PDXDC1: variants seen among roughly 807,000 people sequenced by gnomAD.
The protein encoded by PDXDC1 is pyridoxal-dependent decarboxylase domain-containing protein 1.
Under a neutral mutation model 100.1 loss-of-function variants are expected in PDXDC1, and 42 were observed. That is an observed-to-expected ratio of 0.42 (90% confidence interval 0.33 to 0.54). The LOEUF (loss-of-function observed/expected upper bound fraction) is 0.54. Ranked by LOEUF, PDXDC1 falls within the 20% of genes least tolerant of loss-of-function variation. The pLI is 0.10. For synonymous variants in PDXDC1, 260 were observed against 371.7 expected (o/e 0.70, Z 3.46); for missense variants, 636 against 979.2 (o/e 0.65, Z 4.68).
Position 14,998,397 on chromosome 16 carries a change from C to A in PDXDC1, c.153C>A (p.Leu51=). Residue 51 remains leucine, a synonymous_variant, in exon 3 of 23, where the codon CTC becomes CTA. Coordinates refer to ENST00000396410, the MANE Select transcript of PDXDC1 (RefSeq NM_015027.4). ...TATCCGGAGATATTCCAGGCCCACT[C>A]CAGGGCAGGTAGGTGGCACTGAGGA... ...KLISGDIPGP[L]QGSGQDMVSI... 1 of 1,612,766 alleles carries A rather than the reference C, an allele frequency of 6.2e-7. No homozygotes were observed. The highest frequency in any genetic ancestry group is 8.5e-7 in the Non-Finnish European group (1 of 1,179,722).
intron 16 of PDXDC1, chr16:15,127,098 G>C (rs1308464833): frequency 5.6e-6 from 2 of 355,710 alleles, no homozygotes; most frequent in Admixed American, 3.8e-5. Flanking sequence ...CGGCCACTGG[G>C]AGGTTTCTAA....
intron 13 of PDXDC1, 122 bp from the exon 14 acceptor site, chr16:15,026,521 A>G: frequency 1.2e-6 from 1 of 841,282 alleles, no homozygotes; most frequent in Non-Finnish European, 1.9e-6. Flanking sequence ...TAACCTCTGA[A>G]CTTTTTAGTG....
chr16:15,133,939 T>C, intron 16 of PDXDC1: 1 of 1,443,960 alleles, frequency 6.9e-7, no homozygotes, highest in East Asian at 2.4e-5. Flanking sequence ...CCCAGCACCG[T>C]CAGCGTGAAG....
rs1054993555 is a variant in PDXDC1 at position 15,032,963 on chromosome 16, C to T, written c.1674C>T (p.Asp558=). The T allele has an allele frequency of 8.2e-6, 13 of 1,588,790 alleles. No individual in the cohort carries two copies. Among genetic ancestry groups the T allele is most frequent in the Non-Finnish European group, 1.1e-5 (13 of 1,156,768 alleles). Residue 558 remains aspartate, a synonymous_variant, in exon 18 of 23, where the codon GAC becomes GAT. Transcript: ENST00000396410. ...AGAAGTTAAATGAACTGGAATCTGA[C>T]CTAACCTTTAAAATAGGTAACTGCT... ...LLKKLNELES[D]LTFKIGPEYK...
intron 5 of PDXDC1, among the ~76,000 whole-genome samples, 156 bp downstream of exon 5, chr16:15,004,489 G>A (rs1232013963): frequency 6.6e-6 from 1 of 152,298 alleles, no homozygotes; most frequent in East Asian, 1.9e-4. Flanking sequence ...GTTAGATGGG[G>A]ATAGTATTAA....
rs149178620 is a variant in PDXDC1, at chr16:15,076,182, C to T, written c.1399+46126C>T. 3.6e-3 allele frequency among the ~76,000 whole-genome samples: 543 copies of T among 152,268 alleles called. 3 individuals carry two copies. The highest frequency in any genetic ancestry group is 4.5e-3 in the Non-Finnish European group (307 of 68,012). ...TGTCTCAGACTCTCCTTCCACTGAA[C>T]CCAACTTCAGATACCACCCAAAAGA... On this transcript the variant is annotated intron_variant, in intron 16 of 16. Coordinates refer to the PDXDC1 transcript ENST00000535621.
downstream of PDXDC1, among the ~76,000 whole-genome samples, chr16:15,143,930 C>T (rs970411254): frequency 6.6e-6 from 1 of 152,200 alleles, no homozygotes. Context: ...GTGTGCCAGG[C>T]CCGGCACCCC....
intron 4 of PDXDC1, 96 bp downstream of exon 4, chr16:15,001,952 T>G: frequency 1.0e-6 from 1 of 956,760 alleles, no homozygotes; most frequent in Non-Finnish European, 1.6e-6. Context: ...AAGCTATATT[T>G]CATTGAGTTA....
intron 1 of PDXDC1, among the ~76,000 whole-genome samples, chr16:14,978,133 T>G (rs1365220551): frequency 6.6e-6 from 1 of 152,232 alleles, no homozygotes; most frequent in Non-Finnish European, 1.5e-5. Flanking sequence ...AGTTTTCTTG[T>G]ATCTGAGATC....
At chr16:15,055,970 A>G in intron 16 of PDXDC1, 1 of 1,223,536 alleles carries the variant, frequency 8.2e-7, no homozygotes, top group Non-Finnish European at 1.0e-6. Context: ...GAGCAGCGGC[A>G]TCGCGGAGGC....
chr16:15,063,761 G>A (rs924493540), intron 16 of PDXDC1, among the ~76,000 whole-genome samples: 1 of 150,678 alleles, frequency 6.6e-6, no homozygotes, highest in Admixed American at 6.6e-5. Context: ...CTATGTAAAT[G>A]CTGTAACTAA....
At chr16:15,021,580 G>T (rs1468460488) in intron 12 of PDXDC1, among the ~76,000 whole-genome samples, 1 of 152,286 alleles carries the variant, frequency 6.6e-6, no homozygotes, top group Non-Finnish European at 1.5e-5. Flanking sequence ...TGGAGTGCGG[G>T]AGAATGATGC....
At chr16:15,068,036 C>T (rs538799312) in intron 16 of PDXDC1, 2 of 758,996 alleles carry the variant, frequency 2.6e-6, no homozygotes, top group Admixed American at 2.9e-5. Flanking sequence ...GTTGAGATTA[C>T]AGGTGTCAGC....
intron 3 of PDXDC1, among the ~76,000 whole-genome samples, chr16:15,000,332 C>T (rs1490726188): frequency 6.6e-6 from 1 of 152,288 alleles, no homozygotes; most frequent in Non-Finnish European, 1.5e-5. Context: ...TCTGAAGCCT[C>T]CCAAATCCAT....
intron 16 of PDXDC1, among the ~76,000 whole-genome samples, chr16:15,050,368 G>C (rs551858515): frequency 1.3e-5 from 2 of 152,328 alleles, no homozygotes; most frequent in African/African-American, 4.8e-5. Flanking sequence ...CAGTTTTGCA[G>C]TCTTAGTCTT....
At chr16:15,102,024 T>C (rs1181687593) in intron 16 of PDXDC1, among the ~76,000 whole-genome samples, 1 of 152,040 alleles carries the variant, frequency 6.6e-6, no homozygotes, top group Non-Finnish European at 1.5e-5. Flanking sequence ...AATTTTGTAT[T>C]TTTGGTAGAG....
chr16:15,109,075 C>T (rs528713160), intron 16 of PDXDC1: 2 of 138,008 alleles, frequency 1.4e-5, no homozygotes, highest in African/African-American at 2.6e-5. Flanking sequence ...ACTCCCATCT[C>T]TTCTGCAGCA....
intron 8 of PDXDC1, among the ~76,000 whole-genome samples, chr16:15,011,617 C>CA (rs2041268596): frequency 6.8e-6 from 1 of 147,750 alleles, no homozygotes; most frequent in Non-Finnish European, 1.5e-5. Context: ...GAAATATTTG[C>CA]AAAACATTTT....
intron 21 of PDXDC1, among the ~76,000 whole-genome samples, 199 bp from the exon 22 acceptor site, chr16:15,035,250 G>A (rs919131080): frequency 3.3e-5 from 5 of 152,186 alleles, no homozygotes; most frequent in Non-Finnish European, 4.4e-5. Flanking sequence ...TACTGCTGGC[G>A]GATGCTGGCG....
Sources: allele counts gnomAD v4.1 joint callset (sites outside exome capture counted in the v4.1 genomes callset), GRCh38; gene constraint gnomAD v4.1.1; transcripts MANE v1.5; gene names NCBI Gene and HGNC (gene_info 2026-07-23, HGNC 2026-07-21).